Variants in CFAP20DC observed in about 807,000 individuals in gnomAD.
CFAP20DC encodes protein CFAP20DC.
Under a neutral mutation model 101.7 loss-of-function variants are expected in CFAP20DC, and 84 were observed. The observed-to-expected ratio is 0.83, with a 90% CI of 0.69 to 0.99. CFAP20DC has a LOEUF of 0.99. CFAP20DC is among the 50% of genes least tolerant of loss of function. The pLI is 0.00. For missense variants in CFAP20DC, 1,007 were observed against 970.3 expected (o/e 1.04, Z -0.50); for synonymous variants, 359 against 351.2 (o/e 1.02, Z -0.25).
At chr3:58,930,709 T>C (rs146234173) in intron 5 of CFAP20DC, among the ~76,000 whole-genome samples, 27 of 152,334 alleles carry the variant, frequency 1.8e-4, no homozygotes, top group African/African-American at 5.5e-4. Context: ...TATGTTGTAT[T>C]TTGGGAAAAT....
rs1051782113 is a variant in CFAP20DC, at chr3:58,795,465, C to G, written c.2237+10930G>C. Among the ~76,000 whole-genome samples, 3 of 152,142 alleles carry G rather than the reference C, an allele frequency of 2.0e-5. No homozygotes were observed. The highest frequency in any genetic ancestry group is 7.2e-5 in the African/African-American group (3 of 41,440). ...GACCAGCTTGGGCAACAGGGCAAGA[C>G]CCCATTTCTACAAAAAAATCAGCTT... On this transcript the variant is annotated intron_variant, in intron 15 of 16. Coordinates refer to ENST00000482387, the MANE Select transcript of CFAP20DC (RefSeq NM_001394063.1). This position sits in a 1 kb window ranked among gnomAD's most constrained non-coding sequence, Gnocchi z 4.2.
chr3:58,930,637 A>C (rs777760701), intron 5 of CFAP20DC, among the ~76,000 whole-genome samples: 8 of 152,218 alleles, frequency 5.3e-5, no homozygotes, highest in African/African-American at 2.4e-5. Flanking sequence ...ACAGAGCCTT[A>C]AACAAGAAAC....
At chr3:58,736,163 G>C (rs1014284006) in intron 3 of CFAP20DC, among the ~76,000 whole-genome samples, 1 of 152,106 alleles carries the variant, frequency 6.6e-6, no homozygotes, top group Admixed American at 6.5e-5. Flanking sequence ...AAGTATTGGA[G>C]GGAAAAAGAT....
chr3:58,870,201 C>T lies in CFAP20DC; in HGVS notation c.824G>A (p.Arg275Lys), dbSNP rs755231177. The T allele has an allele frequency of 1.9e-6, 3 of 1,613,782 alleles. No homozygotes were observed. The Admixed American group carries it at 5.0e-5, about 27-fold the overall frequency. The change falls in exon 8 of 17, where the codon AGA (arginine) becomes AAA (lysine). Residue 275 changes from arginine (R) to lysine (K), a missense_variant. By Grantham distance (26) the Arg-to-Lys change is conservative. Coordinates refer to ENST00000482387, the MANE Select transcript of CFAP20DC (RefSeq NM_001394063.1). ...KVLGPPPLSG[R>K]RNNMKISSET... is the part of the protein sequence containing the mutation. ...GCTGGATATCTTCATGTTATTCCTT[C>T]TGCCAGAGAGTGGAGGTGGCCCAAG...
chr3:58,772,274 T>A (rs78316536), intron 15 of CFAP20DC, among the ~76,000 whole-genome samples: 10,961 of 152,216 alleles, frequency 0.072, 679 homozygotes, highest in East Asian at 0.35. Flanking sequence ...TACTGAACAA[T>A]TACAAGGCAT....
At chr3:58,726,713 G>C in intron 3 of CFAP20DC, 1 of 208,492 alleles carries the variant, frequency 4.8e-6, no homozygotes, top group East Asian at 1.8e-4. Flanking sequence ...GAAGAGATGA[G>C]AAGGACCCAT....
Position 58,914,227 on chromosome 3 carries a change from G to A in CFAP20DC, c.394-363C>T, listed in dbSNP as rs542518735. Among the ~76,000 whole-genome samples, 1 of 152,110 alleles carries A rather than the reference G, an allele frequency of 6.6e-6. No homozygotes were observed. Among genetic ancestry groups the A allele is most frequent in the African/African-American group, 2.4e-5 (1 of 41,428 alleles). On this transcript the variant is annotated intron_variant, in intron 5 of 16. Coordinates refer to ENST00000482387, the MANE Select transcript of CFAP20DC (RefSeq NM_001394063.1). The surrounding 1 kb of genome is among the most constrained non-coding windows in gnomAD (Gnocchi z 4.9). Reference sequence around the variant, plus strand: ...GAAAATCAGAGATAAGTAGCCAATTGTTCCTTCAAGGGGACTAATTTGATC... The same window carrying A: ...GAAAATCAGAGATAAGTAGCCAATTATTCCTTCAAGGGGACTAATTTGATC...
chr3:58,983,185 T>C (rs1316331307), intron 4 of CFAP20DC, among the ~76,000 whole-genome samples: 1 of 152,230 alleles, frequency 6.6e-6, no homozygotes, highest in African/African-American at 2.4e-5. Context: ...ATTTCAGTGA[T>C]ATTAAATTGT....
intron 5 of CFAP20DC, among the ~76,000 whole-genome samples, chr3:58,935,908 C>T (rs1237210128): frequency 2.6e-5 from 4 of 151,980 alleles, no homozygotes; most frequent in Admixed American, 2.6e-4. Flanking sequence ...GCAACAAAAG[C>T]CAAAATTGAC....
At chr3:58,865,015 T>C (rs1199296269) in intron 11 of CFAP20DC, among the ~76,000 whole-genome samples, 1 of 152,042 alleles carries the variant, frequency 6.6e-6, no homozygotes, top group Non-Finnish European at 1.5e-5. Context: ...ATCTTTATAA[T>C]GATATCGTTG....
rs575198525 is a variant in CFAP20DC, at chr3:58,809,913, T to G, written c.2176-3457A>C. On this transcript the variant is annotated intron_variant, in intron 14 of 16. Coordinates refer to ENST00000482387, the MANE Select transcript of CFAP20DC (RefSeq NM_001394063.1). ...AGAAATACAAACTACCATCAGGGAA[T>G]AGTACAAAAACCTCCACGCAAATAA... 6.9e-4 allele frequency among the ~76,000 whole-genome samples: 105 copies of G among 152,234 alleles called. No homozygotes were observed. In the Middle Eastern group the frequency reaches 0.01, roughly 15 times the overall value.
intron 6 of CFAP20DC, among the ~76,000 whole-genome samples, chr3:58,909,661 A>G (rs1444009415): frequency 6.6e-6 from 1 of 152,086 alleles, no homozygotes; most frequent in Non-Finnish European, 1.5e-5. Flanking sequence ...TTTGTGCTTA[A>G]TTCTAGAAAT....
At chr3:58,961,042 G>A (rs967556887) in intron 4 of CFAP20DC, among the ~76,000 whole-genome samples, 2 of 152,158 alleles carry the variant, frequency 1.3e-5, no homozygotes, top group South Asian at 2.1e-4. Context: ...GGCATACTAC[G>A]TTAATTAATT....
intron 15 of CFAP20DC, among the ~76,000 whole-genome samples, chr3:58,787,287 AAT>A (rs2072435034): frequency 7.1e-6 from 1 of 140,266 alleles, no homozygotes; most frequent in Non-Finnish European, 1.5e-5. Flanking sequence ...GGAATTGAAC[AAT>A]GAGATCACAT....
At chr3:58,862,784 T>C (rs1461791346) in intron 12 of CFAP20DC, 8 of 981,812 alleles carry the variant, frequency 8.1e-6, no homozygotes, top group Non-Finnish European at 9.7e-6. Context: ...GTTCGTATTC[T>C]GCTTTTAGAA....
At chr3:58,829,988 C>G (rs897159430) in intron 14 of CFAP20DC, among the ~76,000 whole-genome samples, 1 of 152,138 alleles carries the variant, frequency 6.6e-6, no homozygotes, top group African/African-American at 2.4e-5. Flanking sequence ...GCAAATTGTA[C>G]TGGTAAAAAT....
intron 15 of CFAP20DC, among the ~76,000 whole-genome samples, chr3:58,761,667 G>C (rs2069614318): frequency 6.6e-6 from 1 of 151,928 alleles, no homozygotes; most frequent in Admixed American, 6.6e-5. Flanking sequence ...TTCTCTTGTG[G>C]GCATTTAGTG....
At chr3:58,806,978 T>A (rs1166423825) in intron 14 of CFAP20DC, among the ~76,000 whole-genome samples, 4 of 151,978 alleles carry the variant, frequency 2.6e-5, no homozygotes, top group Admixed American at 1.3e-4. Context: ...AGCACAGCAG[T>A]CTGAGATCAA....
At chr3:58,985,295 G>C (rs1396552174) in intron 4 of CFAP20DC, among the ~76,000 whole-genome samples, 2 of 151,984 alleles carry the variant, frequency 1.3e-5, no homozygotes, top group Non-Finnish European at 2.9e-5. Context: ...ATTTCTCTGA[G>C]AGTCCCCATT....
Sources: allele counts gnomAD v4.1 joint callset (sites outside exome capture counted in the v4.1 genomes callset), GRCh38; gene constraint gnomAD v4.1.1; non-coding constraint Gnocchi (gnomAD v3.1); transcripts MANE v1.5; gene names NCBI Gene and HGNC (gene_info 2026-07-23, HGNC 2026-07-21).